Variants in PLS1 observed in about 807,000 individuals in gnomAD.
PLS1 encodes the protein plastin-1.
In PLS1, 32 loss-of-function variants were observed where a neutral mutation model predicts 73.7. The ratio of observed to expected loss-of-function variants is 0.43; its 90% CI spans 0.33 to 0.58. The LOEUF (loss-of-function observed/expected upper bound fraction) is 0.58, where lower values mean the gene tolerates loss of function less well. Ranked by LOEUF, PLS1 falls within the 20% of genes least tolerant of loss-of-function variation. PLS1 has a pLI of 0.04. For missense variants in PLS1, 633 were observed against 740.5 expected (o/e 0.85, Z 1.68); for synonymous variants, 217 against 261.3 (o/e 0.83, Z 1.63).
chr3:142,625,172 A>T (rs1263889611), intron 1 of PLS1, among the ~76,000 whole-genome samples: 1 of 152,194 alleles, frequency 6.6e-6, no homozygotes, highest in Non-Finnish European at 1.5e-5. Context: ...ATAGAGCAGT[A>T]CTTTGGGGTT....
chr3:142,618,826 A>G (rs1406056193), intron 1 of PLS1, among the ~76,000 whole-genome samples: 41 of 152,182 alleles, frequency 2.7e-4, no homozygotes, highest in Admixed American at 2.6e-3. Flanking sequence ...TCCTGCCCAA[A>G]TAACCTAAGA....
In PLS1 at chr3:142,712,016, T is replaced by A. The variant is rs373574744; in HGVS notation, c.*9T>A. On this transcript the variant is annotated 3_prime_UTR_variant, in exon 16 of 16. Coordinates refer to ENST00000457734, the MANE Select transcript of PLS1 (RefSeq NM_001145319.2). Reference sequence around the variant, plus strand: ...TGAACAGAATAAAATAATCATTTCATATGATTTTCTGCCACATTAAACATA... The same window carrying A: ...TGAACAGAATAAAATAATCATTTCAAATGATTTTCTGCCACATTAAACATA... 2.0e-5 allele frequency: 32 copies of A among 1,609,942 alleles called. No individual in the cohort carries two copies. In the African/African-American group the frequency reaches 3.5e-4, roughly 17 times the overall value.
At chr3:142,673,368 G>A (rs2037649020) in intron 4 of PLS1, among the ~76,000 whole-genome samples, 2 of 152,016 alleles carry the variant, frequency 1.3e-5, no homozygotes, top group South Asian at 4.2e-4. Context: ...TCCATTCTAT[G>A]GGCAATACCA....
chr3:142,686,176 C>T, intron 8 of PLS1, 108 bp from the exon 9 acceptor site: 1 of 687,922 alleles, frequency 1.5e-6, no homozygotes, highest in African/African-American at 1.8e-5. Context: ...TAAAGTTATT[C>T]CATTCTTTGA....
In PLS1 at chr3:142,684,298, T is replaced by C; in HGVS notation, c.791T>C (p.Met264Thr). The change falls in exon 8 of 16, where the codon ATG becomes ACG. Residue 264 changes from methionine to threonine, a missense_variant. Transcript: ENST00000457734. The part of the protein sequence containing the change: ...LNEGEELEEL[M>T]KLSPEELLLR... Reference sequence around the variant, plus strand: ...GAAGGTGAGGAACTAGAGGAGCTGATGAAGCTTTCTCCCGAGGAATTACTG... The same window carrying C: ...GAAGGTGAGGAACTAGAGGAGCTGACGAAGCTTTCTCCCGAGGAATTACTG... 2 of 1,614,140 alleles carry C rather than the reference T, an allele frequency of 1.2e-6. No individual in the cohort carries two copies. Among genetic ancestry groups the C allele is most frequent in the East Asian group, 4.5e-5 (2 of 44,876 alleles).
chr3:142,669,908 G>T (rs1200853540), intron 3 of PLS1, among the ~76,000 whole-genome samples: 1 of 152,140 alleles, frequency 6.6e-6, no homozygotes, highest in Non-Finnish European at 1.5e-5. Flanking sequence ...GATTAAGCAG[G>T]TATTTTAGCT....
At chr3:142,632,993 C>G (rs1354825167) in intron 1 of PLS1, among the ~76,000 whole-genome samples, 2 of 152,162 alleles carry the variant, frequency 1.3e-5, no homozygotes, top group African/African-American at 4.8e-5. Context: ...TGTCCACTTG[C>G]AAGTGACTAT....
At chr3:142,708,170 A>G (rs771465872) in intron 14 of PLS1, among the ~76,000 whole-genome samples, 2 of 152,192 alleles carry the variant, frequency 1.3e-5, no homozygotes, top group African/African-American at 4.8e-5. Flanking sequence ...CATATGTGGC[A>G]GGACAGGGGA....
chr3:142,610,322 G>C (rs1248643010), intron 1 of PLS1, among the ~76,000 whole-genome samples: 6 of 152,148 alleles, frequency 3.9e-5, no homozygotes, highest in African/African-American at 1.4e-4. Context: ...CTAGAAACCA[G>C]ATTGTCACTA....
At chr3:142,633,914 A>C (rs985112901) in intron 1 of PLS1, among the ~76,000 whole-genome samples, 1 of 152,222 alleles carries the variant, frequency 6.6e-6, no homozygotes, top group African/African-American at 2.4e-5. Context: ...CTTTTCAGAC[A>C]ATGGCATTAA....
chr3:142,654,518 A>T (rs961992473), intron 1 of PLS1, among the ~76,000 whole-genome samples: 55 of 151,732 alleles, frequency 3.6e-4, no homozygotes, highest in African/African-American at 5.1e-4. Context: ...CTAACTTAAA[A>T]TTTTTTTTCT....
chr3:142,691,816 G>C (rs2038092163), intron 10 of PLS1, among the ~76,000 whole-genome samples: 1 of 151,998 alleles, frequency 6.6e-6, no homozygotes, highest in African/African-American at 2.4e-5. Context: ...TGTCCTCATT[G>C]GCAGAGAATT....
At chr3:142,692,526 T>C (rs1402771849) in intron 10 of PLS1, among the ~76,000 whole-genome samples, 1 of 152,170 alleles carries the variant, frequency 6.6e-6, no homozygotes, top group Non-Finnish European at 1.5e-5. Context: ...CAAGACACTT[T>C]GAAATGTTAT....
intron 1 of PLS1, among the ~76,000 whole-genome samples, chr3:142,599,075 G>A (rs1414997549): frequency 2.6e-5 from 4 of 151,382 alleles, no homozygotes; most frequent in Admixed American, 6.6e-5. Flanking sequence ...CTTATTTCCC[G>A]TTCTAGATGA....
intron 14 of PLS1, among the ~76,000 whole-genome samples, chr3:142,711,160 T>C (rs1478238711): frequency 6.6e-6 from 1 of 152,186 alleles, no homozygotes; most frequent in Non-Finnish European, 1.5e-5. Flanking sequence ...CTAAGAAATA[T>C]GTGAGTAGAA....
intron 1 of PLS1, among the ~76,000 whole-genome samples, chr3:142,610,899 C>T (rs370255962): frequency 4.3e-4 from 65 of 152,332 alleles, no homozygotes; most frequent in African/African-American, 1.4e-3. Context: ...TAGGCCTCAT[C>T]TGTCTCTACC....
intron 9 of PLS1, 109 bp from the exon 10 acceptor site, chr3:142,689,504 TTTGAG>T (rs1026960064): frequency 6.6e-6 from 3 of 452,336 alleles, no homozygotes; most frequent in Non-Finnish European, 1.2e-5. Context: ...TTGATCTTAT[TTTGAG>T]TTATTATTTG....
At chr3:142,625,512 T>A (rs894747791) in intron 1 of PLS1, among the ~76,000 whole-genome samples, 2 of 152,172 alleles carry the variant, frequency 1.3e-5, no homozygotes, top group African/African-American at 4.8e-5. Flanking sequence ...CTTCTCCTTT[T>A]CAAATGTTGG....
At position 142,606,185 on chromosome 3, in the gene PLS1, C is replaced by T. The variant is rs150227878; in HGVS notation, c.-37+9676C>T. Among the ~76,000 whole-genome samples the T allele has an allele frequency of 9.0e-3, 1,370 of 152,316 alleles. 19 individuals are homozygous for T. The highest frequency in any genetic ancestry group is 0.031 in the African/African-American group (1,307 of 41,576). On this transcript the variant is annotated intron_variant, in intron 1 of 15. Transcript: ENST00000457734. ...TGGGAATAGTCTGCATGCTATTTCA[C>T]ATCTCAGGCACACTTAAGGAAGACC...
Sources: gnomAD v4.1 joint callset for allele counts (sites outside exome capture counted in the v4.1 genomes callset) on GRCh38, gnomAD v4.1.1 for gene constraint, MANE v1.5 for transcripts, NCBI Gene and HGNC (gene_info 2026-07-23, HGNC 2026-07-21) for gene names.